Variants in SH3BGRL2 observed in about 807,000 individuals in gnomAD.
SH3BGRL2 encodes SH3 domain binding glutamate rich protein like 2, also known as SH3 domain-binding glutamic acid-rich-like protein 2.
In SH3BGRL2, 21 loss-of-function variants were observed where a neutral mutation model predicts 14.8. The ratio of observed to expected loss-of-function variants is 1.42; its 90% CI spans 1.01 to 2.05. The LOEUF (loss-of-function observed/expected upper bound fraction) is 2.05. Ranked by LOEUF, SH3BGRL2 falls within the 30% of genes most tolerant of loss-of-function variation. The pLI is 0.00. For missense variants in SH3BGRL2, 147 were observed against 130.8 expected (o/e 1.12, Z -0.61); for synonymous variants, 50 against 47.8 (o/e 1.05, Z -0.19).
At chr6:79,542,987 T>C in the SH3BGRL2 span, among the ~76,000 whole-genome samples, 2 of 152,228 alleles carry the variant, frequency 1.3e-5, no homozygotes, top group Non-Finnish European at 1.5e-5. Context: ...TATGGTCTTA[T>C]ATTTGCCTGG....
At chr6:79,538,068 A>T in the SH3BGRL2 span, among the ~76,000 whole-genome samples, 1 of 92,514 alleles carries the variant, frequency 1.1e-5, no homozygotes. Flanking sequence ...GAACGTTTTG[A>T]GGAGCATGTC....
chr6:79,556,889 TTAAC>T, the SH3BGRL2 span, among the ~76,000 whole-genome samples: 452 of 152,032 alleles, frequency 3.0e-3, 2 homozygotes, highest in African/African-American at 0.01. Context: ...TGCAAAAACA[TTAAC>T]TGTCTTTGGA....
chr6:79,651,801 G>A (rs142041316), intron 1 of SH3BGRL2, among the ~76,000 whole-genome samples: 26 of 152,282 alleles, frequency 1.7e-4, no homozygotes, highest in African/African-American at 4.3e-4. Flanking sequence ...TGTGGTGACC[G>A]TGGGTATAAA....
intron 2 of SH3BGRL2, among the ~76,000 whole-genome samples, chr6:79,691,451 C>T (rs1284744034): frequency 1.1e-4 from 16 of 149,164 alleles, no homozygotes; most frequent in Admixed American, 2.7e-4. Flanking sequence ...GTGTGCTGCA[C>T]CCATTAACTC....
At chr6:79,629,202 CTTTT>C (rs908417391), upstream of SH3BGRL2, among the ~76,000 whole-genome samples, 6 of 152,336 alleles carry the variant, frequency 3.9e-5, no homozygotes, top group African/African-American at 1.4e-4. Context: ...ATCTCCAACT[CTTTT>C]TTACAAATTC....
chr6:79,566,309 G>A, the SH3BGRL2 span, among the ~76,000 whole-genome samples: 1 of 152,140 alleles, frequency 6.6e-6, no homozygotes, highest in East Asian at 1.9e-4. Context: ...TTGAGCAGCA[G>A]TCCCTACTGG....
chr6:79,659,849 C>T (rs1387930453), intron 1 of SH3BGRL2, among the ~76,000 whole-genome samples: 2 of 152,082 alleles, frequency 1.3e-5, no homozygotes, highest in African/African-American at 2.4e-5. Flanking sequence ...TGAAGAGGTC[C>T]TTCACATCCC....
At chr6:79,625,903 A>G in the SH3BGRL2 span, among the ~76,000 whole-genome samples, 1 of 151,796 alleles carries the variant, frequency 6.6e-6, no homozygotes, top group Non-Finnish European at 1.5e-5. Context: ...CCTTCCCTTA[A>G]CCTCCTCTCC....
chr6:79,610,438 C>A, the SH3BGRL2 span, among the ~76,000 whole-genome samples: 1 of 152,172 alleles, frequency 6.6e-6, no homozygotes, highest in East Asian at 1.9e-4. Context: ...GGAAGCTGCA[C>A]CTGTGCCTGC....
the SH3BGRL2 span, among the ~76,000 whole-genome samples, chr6:79,568,836 T>G: frequency 6.6e-6 from 1 of 152,198 alleles, no homozygotes; most frequent in Non-Finnish European, 1.5e-5. Flanking sequence ...ATTTTTCTTA[T>G]CTATATTGTA....
At chr6:79,560,443 A>C in the SH3BGRL2 span, among the ~76,000 whole-genome samples, 2 of 152,158 alleles carry the variant, frequency 1.3e-5, no homozygotes, top group Admixed American at 6.5e-5. Context: ...TAGGAAGCTG[A>C]AACAGGAGTA....
chr6:79,629,228 C>G (rs1251492997), upstream of SH3BGRL2, among the ~76,000 whole-genome samples: 13 of 152,220 alleles, frequency 8.5e-5, no homozygotes, highest in Non-Finnish European at 1.6e-4. Flanking sequence ...CTGTTGTTCT[C>G]TTTCTACTGA....
chr6:79,567,355 A>G, the SH3BGRL2 span, among the ~76,000 whole-genome samples: 1 of 152,356 alleles, frequency 6.6e-6, no homozygotes, highest in Admixed American at 6.5e-5. Flanking sequence ...CCAATACACT[A>G]TTGAAGAAGA....
At chr6:79,655,306 A>G (rs1234640020) in intron 1 of SH3BGRL2, among the ~76,000 whole-genome samples, 1 of 152,134 alleles carries the variant, frequency 6.6e-6, no homozygotes, top group Non-Finnish European at 1.5e-5. Flanking sequence ...CTTTTGTACC[A>G]TGGGTACGAT....
At chr6:79,652,152 T>C (rs1282212750) in intron 1 of SH3BGRL2, among the ~76,000 whole-genome samples, 5 of 152,070 alleles carry the variant, frequency 3.3e-5, no homozygotes. Flanking sequence ...AGAACTTGGA[T>C]AGGAAGTATG....
chr6:79,572,646 C>T, the SH3BGRL2 span, among the ~76,000 whole-genome samples: 1 of 151,834 alleles, frequency 6.6e-6, no homozygotes, highest in South Asian at 2.1e-4. Context: ...TTTGTATTTT[C>T]AGCAGAGATG....
chr6:79,569,812 C>T, the SH3BGRL2 span, among the ~76,000 whole-genome samples: 8 of 152,088 alleles, frequency 5.3e-5, no homozygotes, highest in East Asian at 1.9e-4. Context: ...CTAACTTGTC[C>T]GAATGCATAC....
intron 1 of SH3BGRL2, among the ~76,000 whole-genome samples, chr6:79,655,450 A>T (rs1014347668): frequency 1.3e-5 from 2 of 152,018 alleles, no homozygotes; most frequent in African/African-American, 4.8e-5. Flanking sequence ...TATGATTAGC[A>T]TACCATTTAA....
At chr6:79,587,918 G>C in the SH3BGRL2 span, among the ~76,000 whole-genome samples, 2 of 151,604 alleles carry the variant, frequency 1.3e-5, no homozygotes, top group African/African-American at 4.8e-5. Context: ...GCTCATGCCT[G>C]TAATCCCAGC....
Sources: allele counts gnomAD v4.1 joint callset (sites outside exome capture counted in the v4.1 genomes callset), GRCh38; gene constraint gnomAD v4.1.1; transcripts MANE v1.5; gene names NCBI Gene and HGNC (gene_info 2026-07-23, HGNC 2026-07-21).